ZNF804B: variants seen among roughly 807,000 people sequenced by gnomAD.
ZNF804B encodes the protein zinc finger protein 804B, also known as zinc finger 804B.
ZNF804B carries 80 observed loss-of-function variants against 101.4 expected under a neutral mutation model. The ratio of observed to expected loss-of-function variants is 0.79; its 90% CI spans 0.66 to 0.95. The LOEUF is 0.95. ZNF804B is among the 40% of genes least tolerant of loss of function. ZNF804B has a pLI of 0.00. For synonymous variants in ZNF804B, 622 were observed against 558.8 expected (o/e 1.11, Z -1.59); for missense variants, 1,673 against 1,561.9 (o/e 1.07, Z -1.20).
intron 2 of ZNF804B, among the ~76,000 whole-genome samples, chr7:89,239,845 T>A (rs1789340385): frequency 6.6e-6 from 1 of 151,252 alleles, no homozygotes. Context: ...TTTTATTACA[T>A]TAGTTTTGAA....
intron 1 of ZNF804B, among the ~76,000 whole-genome samples, chr7:88,815,063 C>T (rs898818769): frequency 6.7e-6 from 1 of 148,222 alleles, no homozygotes; most frequent in Non-Finnish European, 1.5e-5. Context: ...TATATTCTTA[C>T]ATATATGTAT....
intron 1 of ZNF804B, among the ~76,000 whole-genome samples, chr7:89,166,118 A>G (rs1218791433): frequency 6.6e-6 from 1 of 152,138 alleles, no homozygotes; most frequent in Middle Eastern, 3.2e-3. Flanking sequence ...CCACAAATGC[A>G]ATGCCTTCAA....
At chr7:89,115,097 T>C (rs2116357809) in intron 1 of ZNF804B, among the ~76,000 whole-genome samples, 1 of 152,176 alleles carries the variant, frequency 6.6e-6, no homozygotes, top group Non-Finnish European at 1.5e-5. Context: ...TTAAAATGCA[T>C]AATAGAACAT....
intron 1 of ZNF804B, among the ~76,000 whole-genome samples, chr7:88,872,080 G>T (rs1001382373): frequency 6.6e-6 from 1 of 152,162 alleles, no homozygotes; most frequent in Admixed American, 6.5e-5. Flanking sequence ...TCAAACACAA[G>T]AATTTTTAAA....
Position 89,299,405 on chromosome 7 carries a change from CTTGT to C in ZNF804B, c.250-27935_250-27932del, listed in dbSNP as rs577364361. Among the ~76,000 whole-genome samples the C allele has an allele frequency of 9.6e-4, 145 of 151,758 alleles. 1 individual carries two copies. Among genetic ancestry groups the C allele is most frequent in the African/African-American group, 3.3e-3 (135 of 41,468 alleles). On this transcript the variant is annotated intron_variant, in intron 2 of 3. Transcript: ENST00000333190. ...AATAAAAGTTCTTATTTTTTATTTG[CTTGT>C]TTGACAGTTGAAATTCTATTGATGT...
intron 1 of ZNF804B, among the ~76,000 whole-genome samples, chr7:89,092,658 G>A (rs1192678054): frequency 3.3e-5 from 5 of 151,918 alleles, no homozygotes; most frequent in African/African-American, 4.8e-5. Context: ...TGATCCACCC[G>A]CCTTGGCCTC....
intron 1 of ZNF804B, among the ~76,000 whole-genome samples, chr7:88,817,466 G>A (rs1790903729): frequency 6.6e-6 from 1 of 152,142 alleles, no homozygotes; most frequent in Admixed American, 6.6e-5. Flanking sequence ...TGGCTCTATG[G>A]TGGAATTGTC....
At chr7:88,792,914 TTTTG>T (rs150952676) in intron 1 of ZNF804B, among the ~76,000 whole-genome samples, 2 of 152,194 alleles carry the variant, frequency 1.3e-5, no homozygotes, top group African/African-American at 4.8e-5. Flanking sequence ...TGCATATCAT[TTTTG>T]TTTATTATAT....
In ZNF804B at chr7:89,335,910, A is replaced by T. The variant is rs377181327; in HGVS notation, c.2928A>T (p.Ala976=). 1.9e-6 allele frequency: 3 copies of T among 1,613,994 alleles called. No individual in the cohort carries two copies. The highest frequency in any genetic ancestry group is 2.5e-6 in the Non-Finnish European group (3 of 1,179,990). The change falls in exon 4 of 4, where the codon GCA becomes GCT. Residue 976 remains alanine (A), a synonymous_variant. Coordinates refer to ENST00000333190, the MANE Select transcript of ZNF804B (RefSeq NM_181646.5). ...CACCATCAGGCTGTAACAGACAAGC[A>T]TTGCCTTTGTCTGAAAAAATACAGT... ...QLAPSGCNRQ[A]LPLSEKIQYA...
chr7:89,267,042 T>A (rs1789806867), intron 2 of ZNF804B, among the ~76,000 whole-genome samples: 1 of 152,156 alleles, frequency 6.6e-6, no homozygotes, highest in Non-Finnish European at 1.5e-5. Context: ...AATTGAGGAG[T>A]TCACTGTTTG....
In ZNF804B at chr7:88,925,262, G is replaced by A. The variant is rs1271663371; in HGVS notation, c.108+165178G>A. 2.6e-5 allele frequency among the ~76,000 whole-genome samples: 4 copies of A among 152,094 alleles called. No individual in the cohort carries two copies. The East Asian group carries it at 7.7e-4, about 29-fold the overall frequency. The stretch of plus-strand genomic sequence containing the variant: ...TTAACACTTACACACTCCAATCTCA[G>A]GCCCTGTGCCACTGCCGAGGCGACT... On this transcript the variant is annotated intron_variant, in intron 1 of 3. Transcript: ENST00000333190.
intron 1 of ZNF804B, among the ~76,000 whole-genome samples, chr7:88,810,012 T>C (rs1234958885): frequency 6.6e-6 from 1 of 152,194 alleles, no homozygotes; most frequent in Non-Finnish European, 1.5e-5. Context: ...TATAGAACAT[T>C]TAGAAAACAA....
intron 1 of ZNF804B, among the ~76,000 whole-genome samples, chr7:88,850,180 T>G (rs1490521789): frequency 6.6e-6 from 1 of 152,068 alleles, no homozygotes; most frequent in African/African-American, 2.4e-5. Context: ...CCCTGTGAGG[T>G]AAAAACAAAT....
intron 1 of ZNF804B, among the ~76,000 whole-genome samples, chr7:89,198,187 G>A (rs1378581576): frequency 6.6e-6 from 1 of 151,690 alleles, no homozygotes; most frequent in Admixed American, 6.6e-5. Flanking sequence ...GTTAAAATGG[G>A]GATAGTTTAT....
Position 88,759,887 on chromosome 7 carries a change from T to C in ZNF804B, c.-90T>C. ...CTGGCCGCGTCTTCTCGGGAGGTGGTAGTCGCTGTTGCCGCTGAGAAACCC... is the reference window on the plus strand; with the variant it reads ...CTGGCCGCGTCTTCTCGGGAGGTGGCAGTCGCTGTTGCCGCTGAGAAACCC... On this transcript the variant is annotated 5_prime_UTR_variant, in exon 1 of 4. Transcript: ENST00000333190. 2.0e-6 allele frequency: 2 copies of C among 1,023,942 alleles called. No homozygotes were observed. Among genetic ancestry groups the C allele is most frequent in the Admixed American group, 1.8e-5 (1 of 55,560 alleles). The allele number at this position is 1,023,942 out of a possible 1,614,324, so 63.4% of individuals were successfully genotyped here. A position where few individuals can be genotyped will look rare whatever the true frequency, so the allele number is the denominator to read the frequency against.
intron 1 of ZNF804B, among the ~76,000 whole-genome samples, chr7:88,857,781 C>G (rs941338031): frequency 1.3e-5 from 2 of 149,332 alleles, no homozygotes; most frequent in Non-Finnish European, 3.0e-5. Flanking sequence ...AATCCTGATA[C>G]CAAATTCTTT....
chr7:89,306,718 A>C (rs801815), intron 2 of ZNF804B, among the ~76,000 whole-genome samples: 6,034 of 152,022 alleles, frequency 0.04, 198 homozygotes, highest in African/African-American at 0.081. Context: ...AGATACATAA[A>C]AATGAATGAA....
At chr7:89,232,907 G>A (rs1789217979) in intron 2 of ZNF804B, among the ~76,000 whole-genome samples, 1 of 151,694 alleles carries the variant, frequency 6.6e-6, no homozygotes, top group Admixed American at 6.6e-5. Context: ...CTTATTTTGT[G>A]TGTAATTTAT....
chr7:88,794,793 C>T, intron 1 of ZNF804B: 1 of 1,613,774 alleles, frequency 6.2e-7, no homozygotes, highest in Non-Finnish European at 8.5e-7. Flanking sequence ...CCACTAGAAA[C>T]ATCCTATCAA....
Sources: allele counts gnomAD v4.1 joint callset (sites outside exome capture counted in the v4.1 genomes callset), GRCh38; gene constraint gnomAD v4.1.1; transcripts MANE v1.5; gene names NCBI Gene and HGNC (gene_info 2026-07-23, HGNC 2026-07-21).